GPC5: variants seen among roughly 807,000 people sequenced by gnomAD.
GPC5 encodes the protein glypican-5.
GPC5 carries 47 observed loss-of-function variants against 53.9 expected under a neutral mutation model. That is an observed-to-expected ratio of 0.87 (90% CI 0.69 to 1.11). GPC5 has a LOEUF of 1.11. GPC5 is among the 50% of genes most tolerant of loss of function. GPC5 has a pLI of 0.00. For synonymous variants in GPC5, 286 were observed against 263.3 expected (o/e 1.09, Z -0.84); for missense variants, 748 against 713.1 (o/e 1.05, Z -0.56).
At chr13:92,435,050 G>C (rs1239878233) in intron 7 of GPC5, among the ~76,000 whole-genome samples, 1 of 152,028 alleles carries the variant, frequency 6.6e-6, no homozygotes, top group Non-Finnish European at 1.5e-5. Flanking sequence ...GAGTTGCTTG[G>C]ACTACAGGTG....
chr13:91,503,624 A>AC (rs1407100385), intron 2 of GPC5, among the ~76,000 whole-genome samples: 1 of 151,514 alleles, frequency 6.6e-6, no homozygotes, highest in African/African-American at 2.4e-5. Flanking sequence ...TATTAATAAT[A>AC]TAAAAATTAG....
intron 7 of GPC5, among the ~76,000 whole-genome samples, chr13:92,630,202 T>A (rs1280476712): frequency 6.6e-6 from 1 of 152,178 alleles, no homozygotes; most frequent in Non-Finnish European, 1.5e-5. Flanking sequence ...TGGACTGTTC[T>A]ACGTAATCGT....
At chr13:92,176,088 T>C (rs2042107583) in intron 7 of GPC5, among the ~76,000 whole-genome samples, 2 of 152,218 alleles carry the variant, frequency 1.3e-5, no homozygotes, top group South Asian at 4.1e-4. Flanking sequence ...TCTCAAATTT[T>C]AATGTGCATC....
intron 7 of GPC5, among the ~76,000 whole-genome samples, chr13:92,751,317 A>AC (rs1263367133): frequency 4.1e-5 from 6 of 146,862 alleles, no homozygotes; most frequent in African/African-American, 1.5e-4. Context: ...AAAAAAAAAA[A>AC]AAAAAAAAAA....
At chr13:91,929,153 T>G (rs2039797315) in intron 6 of GPC5, among the ~76,000 whole-genome samples, 1 of 152,068 alleles carries the variant, frequency 6.6e-6, no homozygotes, top group Non-Finnish European at 1.5e-5. Context: ...GTAAATAATT[T>G]TAAATATTAT....
intron 7 of GPC5, among the ~76,000 whole-genome samples, chr13:92,299,443 A>G (rs2043060444): frequency 6.6e-6 from 1 of 152,186 alleles, no homozygotes. Context: ...ATGAATAATG[A>G]CTGTAATTAA....
intron 7 of GPC5, among the ~76,000 whole-genome samples, chr13:92,416,834 C>A (rs1876321574): frequency 1.3e-5 from 2 of 152,000 alleles, no homozygotes; most frequent in South Asian, 2.1e-4. Flanking sequence ...ATAAGAAACT[C>A]ATATGTAGGA....
intron 7 of GPC5, among the ~76,000 whole-genome samples, chr13:92,742,525 G>T (rs1026224221): frequency 6.8e-6 from 1 of 146,834 alleles, no homozygotes; most frequent in African/African-American, 2.5e-5. Flanking sequence ...CTCCCATGTT[G>T]TAGGTTGCCT....
intron 2 of GPC5, among the ~76,000 whole-genome samples, chr13:91,537,173 A>T (rs1235299085): frequency 6.6e-6 from 1 of 152,188 alleles, no homozygotes; most frequent in East Asian, 1.9e-4. Context: ...AATGTACAGA[A>T]GAAAAGACGT....
At chr13:92,334,093 T>G (rs2043306313) in intron 7 of GPC5, among the ~76,000 whole-genome samples, 1 of 152,184 alleles carries the variant, frequency 6.6e-6, no homozygotes, top group Non-Finnish European at 1.5e-5. Context: ...TGTAGGAATA[T>G]AGTCAATCGC....
intron 5 of GPC5, among the ~76,000 whole-genome samples, chr13:91,794,049 T>C (rs915156505): frequency 5.3e-5 from 8 of 152,322 alleles, no homozygotes; most frequent in African/African-American, 1.9e-4. Context: ...TAGTATCTAT[T>C]GTATTCCAGT....
chr13:91,879,503 G>A (rs1472983532), intron 5 of GPC5, among the ~76,000 whole-genome samples: 3 of 152,156 alleles, frequency 2.0e-5, no homozygotes, highest in African/African-American at 4.8e-5. Context: ...AGTCAGTTTG[G>A]TGTCTGGTGA....
intron 3 of GPC5, among the ~76,000 whole-genome samples, chr13:91,712,418 T>C (rs751896488): frequency 6.6e-6 from 1 of 152,004 alleles, no homozygotes; most frequent in Non-Finnish European, 1.5e-5. Context: ...ATATATAATT[T>C]GAATATATTG....
At chr13:92,741,841 G>T (rs1041276677) in intron 7 of GPC5, among the ~76,000 whole-genome samples, 1 of 151,972 alleles carries the variant, frequency 6.6e-6, no homozygotes, top group Admixed American at 6.6e-5. Flanking sequence ...GCGGTGTTTG[G>T]TTTTTTTCCT....
intron 7 of GPC5, among the ~76,000 whole-genome samples, chr13:92,228,177 C>A (rs76110649): frequency 2.1e-5 from 3 of 145,166 alleles, no homozygotes; most frequent in Non-Finnish European, 3.0e-5. Flanking sequence ...GAAGGAGAGG[C>A]AGGCACACTT....
intron 1 of GPC5, among the ~76,000 whole-genome samples, chr13:91,447,325 A>G (rs1880874882): frequency 6.6e-6 from 1 of 150,732 alleles, no homozygotes; most frequent in African/African-American, 2.4e-5. Flanking sequence ...AGCTGAGAAG[A>G]TAGCTTTTTT....
intron 4 of GPC5, 79 bp downstream of exon 4, chr13:91,728,744 T>G: frequency 7.5e-7 from 1 of 1,336,046 alleles, no homozygotes; most frequent in Non-Finnish European, 9.9e-7. Flanking sequence ...CATATTCAAT[T>G]AAATCGAATA....
chr13:91,944,548 T>C (rs2039957917), intron 6 of GPC5, among the ~76,000 whole-genome samples: 1 of 152,220 alleles, frequency 6.6e-6, no homozygotes, highest in Non-Finnish European at 1.5e-5. Context: ...TTTCTTTTAC[T>C]CTCTCCTCCT....
At chr13:92,387,683 T>C (rs1353802093) in intron 7 of GPC5, among the ~76,000 whole-genome samples, 1 of 152,166 alleles carries the variant, frequency 6.6e-6, no homozygotes, top group Non-Finnish European at 1.5e-5. Context: ...AAGTGATTCT[T>C]AATTAAGCAA....
Sources: allele counts gnomAD v4.1 joint callset (sites outside exome capture counted in the v4.1 genomes callset), GRCh38; gene constraint gnomAD v4.1.1; transcripts MANE v1.5; gene names NCBI Gene and HGNC (gene_info 2026-07-23, HGNC 2026-07-21).